The following RAPGEF6 variants were observed in gnomAD, a reference collection of about 807,000 sequenced individuals.
The protein encoded by RAPGEF6 is PDZ domain containing guanine nucleotide exchange factor (GEF) 2.
Under a neutral mutation model 171.4 loss-of-function variants are expected in RAPGEF6, and 56 were observed. That is an observed-to-expected ratio of 0.33 (90% CI 0.26 to 0.41). The LOEUF (loss-of-function observed/expected upper bound fraction) is 0.41. Ranked by LOEUF, RAPGEF6 falls within the 10% of genes least tolerant of loss-of-function variation. The pLI is 1.00. For missense variants in RAPGEF6, 1,674 were observed against 1,921.4 expected, an observed-to-expected ratio of 0.87 and a Z score of 2.41; for synonymous variants, 692 against 650.1, an observed-to-expected ratio of 1.06 and a Z score of -0.98.
intron 18 of RAPGEF6, 182 bp downstream of exon 18, chr5:131,463,859 T>C: frequency 7.7e-7 from 1 of 1,295,620 alleles, no homozygotes; most frequent in Non-Finnish European, 9.8e-7. Context: ...AGGAACTAGA[T>C]TATATCAGTG....
chr5:131,633,716 G>C (rs1490851527), intron 1 of RAPGEF6, among the ~76,000 whole-genome samples: 1 of 152,214 alleles, frequency 6.6e-6, no homozygotes, highest in African/African-American at 2.4e-5. Flanking sequence ...GGGTGACAGA[G>C]TGAGACTGTT....
rs772768630 is a variant in RAPGEF6, at chr5:131,446,592, A to G, written c.3312T>C (p.Asp1104=). 11 of 1,614,142 alleles carry G rather than the reference A, an allele frequency of 6.8e-6. No homozygotes were observed. The African/African-American group carries it at 1.1e-4, about 16-fold the overall frequency. ...SLLNAKKLYE[D]AQMARKVKQY... is the part of the protein sequence containing the mutation. The stretch of plus-strand genomic sequence containing the variant: ...GCTTCACCTTCCTTGCCATTTGGGC[A>G]TCCTCATATAGCTTCTTGGCATTAA... The change falls in exon 22 of 28, where the codon GAT becomes GAC. Residue 1104 remains aspartate, a synonymous_variant. Coordinates refer to ENST00000509018, the MANE Select transcript of RAPGEF6 (RefSeq NM_016340.6).
intron 22 of RAPGEF6, among the ~76,000 whole-genome samples, chr5:131,445,454 A>G (rs1416989571): frequency 6.9e-6 from 1 of 144,166 alleles, no homozygotes; most frequent in Non-Finnish European, 1.5e-5. Context: ...TTGAAATAAA[A>G]TTCTATTTCA....
At chr5:131,432,903 A>G (rs1751795552) in intron 25 of RAPGEF6, among the ~76,000 whole-genome samples, 1 of 152,206 alleles carries the variant, frequency 6.6e-6, no homozygotes, top group African/African-American at 2.4e-5. Context: ...TTTATCAGTT[A>G]GAATAAACTT....
At chr5:131,576,944 C>T (rs1762640202) in intron 4 of RAPGEF6, among the ~76,000 whole-genome samples, 1 of 152,200 alleles carries the variant, frequency 6.6e-6, no homozygotes, top group South Asian at 2.1e-4. Flanking sequence ...TACCACCCCT[C>T]AGGGATATCT....
intron 1 of RAPGEF6, among the ~76,000 whole-genome samples, chr5:131,627,118 G>A (rs1202736499): frequency 6.6e-6 from 1 of 152,178 alleles, no homozygotes; most frequent in Non-Finnish European, 1.5e-5. Flanking sequence ...GCATCTATGA[G>A]GAATGAAGAG....
intron 19 of RAPGEF6, among the ~76,000 whole-genome samples, chr5:131,459,396 C>T (rs1753750875): frequency 6.6e-6 from 1 of 152,174 alleles, no homozygotes; most frequent in South Asian, 2.1e-4. Flanking sequence ...TAGGTAGGAA[C>T]TACCAGGATT....
intron 1 of RAPGEF6, among the ~76,000 whole-genome samples, chr5:131,628,537 G>T (rs569654906): frequency 6.6e-6 from 1 of 152,250 alleles, no homozygotes; most frequent in South Asian, 2.1e-4. Flanking sequence ...TTATCCTGAA[G>T]ATCTAGCTAA....
rs1452501974 is a variant in RAPGEF6, at chr5:131,606,647, C to A, written c.70-1954G>T. On this transcript the variant is annotated intron_variant, in intron 1 of 27. Transcript: ENST00000509018. Reference sequence around the variant, plus strand: ...TATGCTCTTTTGCAATGCAGTCTTGCCAGTTACCCATCAAAACCTGGAATC... The same window carrying A: ...TATGCTCTTTTGCAATGCAGTCTTGACAGTTACCCATCAAAACCTGGAATC... Among the ~76,000 whole-genome samples, 3 of 152,192 alleles carry A rather than the reference C, an allele frequency of 2.0e-5. No homozygotes were observed. In the South Asian group the frequency reaches 6.2e-4, roughly 32 times the overall value.
In RAPGEF6 at chr5:131,562,777, A is replaced by AT. The variant is rs201189652; in HGVS notation, c.282-731dup. On this transcript the variant is annotated intron_variant, in intron 4 of 27. Transcript: ENST00000509018. Reference sequence around the variant, plus strand: ...ATGCTTAGTAGAGATGCAACCATCCATTTTTTTTTCCAGGATCAGCAGTTG... The same window carrying AT: ...ATGCTTAGTAGAGATGCAACCATCCATTTTTTTTTTCCAGGATCAGCAGTTG... Among the ~76,000 whole-genome samples, 205 of 151,594 alleles carry AT rather than the reference A, an allele frequency of 1.4e-3. 1 individual carries two copies. The highest frequency in any genetic ancestry group is 6.5e-3 in the South Asian group (31 of 4,768).
At chr5:131,443,535 C>G (rs1215934331) in intron 22 of RAPGEF6, among the ~76,000 whole-genome samples, 11 of 152,184 alleles carry the variant, frequency 7.2e-5, no homozygotes, top group Non-Finnish European at 1.5e-5. Context: ...GTGACTCTGC[C>G]AAAATGAGTA....
chr5:131,575,322 G>A (rs1482249754), intron 4 of RAPGEF6, among the ~76,000 whole-genome samples: 5 of 152,082 alleles, frequency 3.3e-5, no homozygotes, highest in Non-Finnish European at 1.5e-5. Context: ...TCAATATATG[G>A]ACGACCTTCT....
intron 8 of RAPGEF6, 114 bp downstream of exon 8, chr5:131,510,200 T>C (rs765110861): frequency 5.2e-6 from 6 of 1,145,952 alleles, no homozygotes; most frequent in Non-Finnish European, 7.2e-6. Context: ...AACTCTAAGA[T>C]AATGGCTTAA....
At chr5:131,572,830 T>C (rs1414792408) in intron 4 of RAPGEF6, among the ~76,000 whole-genome samples, 1 of 152,184 alleles carries the variant, frequency 6.6e-6, no homozygotes, top group Non-Finnish European at 1.5e-5. Context: ...TGTCTTATTT[T>C]CTTCTGTAAT....
At chr5:131,601,745 C>A (rs1764268949) in intron 3 of RAPGEF6, among the ~76,000 whole-genome samples, 2 of 151,916 alleles carry the variant, frequency 1.3e-5, no homozygotes, top group Admixed American at 6.6e-5. Context: ...TTAAAATTGG[C>A]ACAATTGGCC....
chr5:131,596,153 T>C (rs1368136104), intron 3 of RAPGEF6, among the ~76,000 whole-genome samples: 1 of 60,686 alleles, frequency 1.6e-5, no homozygotes, highest in Admixed American at 1.9e-4. Flanking sequence ...GACTCCATCA[T>C]ATAAAAAAAA....
intron 3 of RAPGEF6, among the ~76,000 whole-genome samples, chr5:131,602,745 G>A (rs2150014454): frequency 6.6e-6 from 1 of 152,240 alleles, no homozygotes; most frequent in South Asian, 2.1e-4. Flanking sequence ...TGGGCGACAA[G>A]TGCGAAACTC....
At chr5:131,588,288 A>G (rs1293622490) in intron 4 of RAPGEF6, among the ~76,000 whole-genome samples, 1 of 152,202 alleles carries the variant, frequency 6.6e-6, no homozygotes, top group Non-Finnish European at 1.5e-5. Context: ...ACAGGCAGCA[A>G]AAGAGGTTAG....
chr5:131,577,700 G>C (rs1422471788), intron 4 of RAPGEF6, among the ~76,000 whole-genome samples: 1 of 152,156 alleles, frequency 6.6e-6, no homozygotes, highest in Non-Finnish European at 1.5e-5. Context: ...TCCGCCTGCA[G>C]GACCCTCCCC....
Sources: gnomAD v4.1 joint callset for allele counts (sites outside exome capture counted in the v4.1 genomes callset) on GRCh38, gnomAD v4.1.1 for gene constraint, MANE v1.5 for transcripts, NCBI Gene and HGNC (gene_info 2026-07-23, HGNC 2026-07-21) for gene names.